The following ORC2 variants were observed in gnomAD, a reference collection of about 807,000 sequenced individuals.
The protein encoded by ORC2 is origin recognition complex protein 2 homolog.
Under a neutral mutation model 77.7 loss-of-function variants are expected in ORC2, and 37 were observed. That is an observed-to-expected ratio of 0.48 (90% CI 0.37 to 0.63). The LOEUF (loss-of-function observed/expected upper bound fraction) is 0.63, where lower values mean the gene tolerates loss of function less well. Ranked by LOEUF, ORC2 falls within the 20% of genes least tolerant of loss-of-function variation. The probability of loss-of-function intolerance (pLI) is 0.00; values close to 1 mark genes in which losing one functional copy is unlikely to be tolerated. For synonymous variants in ORC2, 201 were observed against 229.5 expected, an observed-to-expected ratio of 0.88 and a Z score of 1.12; for missense variants, 557 against 661.9, an observed-to-expected ratio of 0.84 and a Z score of 1.74.
chr2:200,946,457 A>G (rs1264650458), intron 5 of ORC2, among the ~76,000 whole-genome samples: 1 of 152,242 alleles, frequency 6.6e-6, no homozygotes, highest in Non-Finnish European at 1.5e-5. Flanking sequence ...CTAAACAAAG[A>G]TTATAGAAAG....
At chr2:200,938,575 G>A (rs1170629489) in intron 7 of ORC2, among the ~76,000 whole-genome samples, 1 of 152,040 alleles carries the variant, frequency 6.6e-6, no homozygotes, top group African/African-American at 2.4e-5. Context: ...ACCATAAATT[G>A]TTAGCACATT....
chr2:200,948,928 C>CA (rs989772646), intron 5 of ORC2, among the ~76,000 whole-genome samples: 2 of 150,642 alleles, frequency 1.3e-5, no homozygotes, highest in African/African-American at 4.9e-5. Context: ...CTTGTTACTT[C>CA]AAAAAAATTT....
In ORC2 at chr2:200,946,715, G is replaced by A. The variant is rs184997706; in HGVS notation, c.328+2839C>T. 2.9e-3 allele frequency among the ~76,000 whole-genome samples: 439 copies of A among 152,204 alleles called. 3 individuals are homozygous for A. The highest frequency in any genetic ancestry group is 0.01 in the African/African-American group (429 of 41,542). On this transcript the variant is annotated intron_variant, in intron 5 of 17. Transcript: ENST00000234296. ...AACTACTACTTGATTACTCCTGTGA[G>A]TTCTATTTCACTTTACAATAATAAT...
intron 13 of ORC2, chr2:200,921,675 T>A (rs1355655092): frequency 6.6e-6 from 1 of 152,282 alleles, no homozygotes; most frequent in Non-Finnish European, 1.5e-5. Context: ...CTGGCTCTGT[T>A]GTCCAGGCTA....
chr2:200,930,075 G>A (rs1416549676), intron 11 of ORC2, among the ~76,000 whole-genome samples: 1 of 151,966 alleles, frequency 6.6e-6, no homozygotes, highest in African/African-American at 2.4e-5. Context: ...AAGCCAGAAG[G>A]GTGAATGAGA....
intron 15 of ORC2, among the ~76,000 whole-genome samples, chr2:200,917,192 A>G (rs2040672126): frequency 6.6e-6 from 1 of 151,748 alleles, no homozygotes; most frequent in South Asian, 2.1e-4. Context: ...ATGCGGTTTC[A>G]CCATGTTGGC....
chr2:200,922,331 T>C (rs1348358123), intron 13 of ORC2, among the ~76,000 whole-genome samples: 1 of 134,616 alleles, frequency 7.4e-6, no homozygotes, highest in African/African-American at 2.8e-5. Flanking sequence ...TGATCAAGCA[T>C]ACAGTTCTGA....
At chr2:200,914,925 A>G (rs1000844448) in intron 15 of ORC2, among the ~76,000 whole-genome samples, 2 of 151,874 alleles carry the variant, frequency 1.3e-5, no homozygotes, top group Non-Finnish European at 2.9e-5. Context: ...GCGGGTGGAA[A>G]TAACAGAAAT....
chr2:200,959,016 T>C (rs995965168), intron 2 of ORC2, among the ~76,000 whole-genome samples: 2 of 152,250 alleles, frequency 1.3e-5, no homozygotes, highest in African/African-American at 4.8e-5. Flanking sequence ...ACTGTGTCTC[T>C]CTTTTCTTTC....
chr2:200,931,396 A>C lies in ORC2; in HGVS notation c.860T>G (p.Leu287Arg). 1.3e-6 allele frequency: 2 copies of C among 1,541,042 alleles called. No individual in the cohort carries two copies. Among genetic ancestry groups the C allele is most frequent in the East Asian group, 2.6e-5 (1 of 39,196 alleles). ...TTCATACTGTTGATTTAGTTGTTTA[A>C]GTTCGGCAGAAAAGGAAGGGGAAAC... ...SKVSPSFSAE[L>R]KQLNQQYEKL... The change falls in exon 11 of 18, where the codon CTT becomes CGT. Residue 287 changes from leucine to arginine, a missense_variant. Physicochemically the swap from Leu to Arg is moderately radical, Grantham distance 102. Transcript: ENST00000234296.
At chr2:200,930,132 G>A (rs1311137814) in intron 11 of ORC2, among the ~76,000 whole-genome samples, 3 of 151,808 alleles carry the variant, frequency 2.0e-5, no homozygotes, top group Non-Finnish European at 4.4e-5. Flanking sequence ...GTCCAACTCC[G>A]TGATTGTTTA....
In ORC2 at chr2:200,949,629, C is replaced by G. The variant is rs909509382; in HGVS notation, c.253G>C (p.Gly85Arg). 1.3e-6 allele frequency: 2 copies of G among 1,588,820 alleles called. No homozygotes were observed. The highest frequency in any genetic ancestry group is 1.7e-6 in the Non-Finnish European group (2 of 1,161,722). Residue 85 changes from glycine to arginine, a missense_variant, in exon 5 of 18, where the codon GGC (glycine) becomes CGC (arginine). Physicochemically the swap from Gly to Arg is moderately radical, Grantham distance 125. Coordinates refer to ENST00000234296, the MANE Select transcript of ORC2 (RefSeq NM_006190.5). Reference sequence around the variant, plus strand: ...TTATTTCCACCACCTGTAGCAGAGCCATTTTTCAATGATTCTGAAAGAAAA... The same window carrying G: ...TTATTTCCACCACCTGTAGCAGAGCGATTTTTCAATGATTCTGAAAGAAAA... Reference protein sequence around the residue: ...GRDVQESLKNGSATGGGNKVY... With the variant: ...GRDVQESLKNRSATGGGNKVY...
intron 16 of ORC2, chr2:200,913,643 A>G: frequency 7.6e-7 from 1 of 1,315,564 alleles, no homozygotes; most frequent in East Asian, 3.1e-5. Flanking sequence ...ATCTCCTAAG[A>G]TGCCTAGAAT....
intron 13 of ORC2, among the ~76,000 whole-genome samples, chr2:200,925,254 G>C (rs1474230597): frequency 6.6e-6 from 1 of 151,950 alleles, no homozygotes. Context: ...TTGAACCCGG[G>C]AGGCGGAGGT....
chr2:200,937,756 A>T, intron 8 of ORC2, 150 bp downstream of exon 8: 1 of 598,758 alleles, frequency 1.7e-6, no homozygotes, highest in Non-Finnish European at 3.0e-6. Flanking sequence ...ACTGACTACA[A>T]TGTGAAAGAC....
At chr2:200,953,563 T>C (rs531720693) in intron 4 of ORC2, among the ~76,000 whole-genome samples, 3 of 152,252 alleles carry the variant, frequency 2.0e-5, no homozygotes, top group African/African-American at 4.8e-5. Flanking sequence ...AATTAGCACA[T>C]GATCCAGCAT....
intron 1 of ORC2, among the ~76,000 whole-genome samples, chr2:200,960,246 G>A (rs1000418012): frequency 1.3e-5 from 2 of 151,904 alleles, no homozygotes; most frequent in Non-Finnish European, 2.9e-5. Flanking sequence ...CCAAACTGCT[G>A]GGATTACAGG....
At chr2:200,945,557 A>T (rs2125010768) in intron 5 of ORC2, among the ~76,000 whole-genome samples, 1 of 152,240 alleles carries the variant, frequency 6.6e-6, no homozygotes, top group Non-Finnish European at 1.5e-5. Context: ...CAATACAGTG[A>T]GACCCTTAAA....
At position 200,910,364 on chromosome 2, in the gene ORC2, A is replaced by G. The variant is rs2040529924; in HGVS notation, c.*937T>C. ...ATCATCACTTTAAGGAAAAAACTGA[A>G]ATATCTTACAGTGAGTTTTAGGTCT... is the stretch of plus-strand genomic sequence containing the variant. On this transcript the variant is annotated 3_prime_UTR_variant, in exon 18 of 18. Transcript: ENST00000234296. 6.6e-6 allele frequency: 1 copy of G among 152,162 alleles called. No individual in the cohort carries two copies. The highest frequency in any genetic ancestry group is 1.5e-5 in the Non-Finnish European group (1 of 68,024). 9.4% of individuals were successfully genotyped at this position (152,162 alleles called of 1,614,324 possible). A position where few individuals can be genotyped will look rare whatever the true frequency, so the allele number is the denominator to read the frequency against.
Sources: gnomAD v4.1 joint callset for allele counts (sites outside exome capture counted in the v4.1 genomes callset) on GRCh38, gnomAD v4.1.1 for gene constraint, MANE v1.5 for transcripts, NCBI Gene and HGNC (gene_info 2026-07-23, HGNC 2026-07-21) for gene names.